The following DLGAP4 variants were observed in gnomAD, a reference collection of about 807,000 sequenced individuals.
The protein encoded by DLGAP4 is DLG associated protein 4.
A neutral mutation model predicts 86.9 loss-of-function variants in DLGAP4; 18 were observed. The ratio of observed to expected loss-of-function variants is 0.21; its 90% CI spans 0.14 to 0.31. DLGAP4 has a LOEUF of 0.31. Among genes scored for constraint, DLGAP4 ranks in the 10% least tolerant of loss-of-function variants. DLGAP4 has a pLI of 1.00. For missense variants in DLGAP4, 1,085 were observed against 1,362.6 expected (o/e 0.80, Z 3.21); for synonymous variants, 548 against 574.3 (o/e 0.95, Z 0.65).
chr20:36,433,464 C>T (rs2033182246), intron 3 of DLGAP4, among the ~76,000 whole-genome samples: 1 of 152,180 alleles, frequency 6.6e-6, no homozygotes, highest in Non-Finnish European at 1.5e-5. Context: ...TTCCAAGTGG[C>T]TCTCAAGGGT....
intron 7 of DLGAP4, among the ~76,000 whole-genome samples, chr20:36,466,928 C>CTCTCTCTCTCTCTCTCTG: frequency 6.9e-6 from 1 of 145,554 alleles, no homozygotes; most frequent in South Asian, 2.1e-4. Flanking sequence ...CGCTCTTGCT[C>CTCTCTCTCTCTCTCTCTG]TCTCTCTCTC....
rs1163846994 is a variant in DLGAP4 at position 36,439,782 on chromosome 20, A to ATGC, written c.1277_1279dup (p.Leu426dup). 8.1e-6 allele frequency: 13 copies of ATGC among 1,613,456 alleles called. No homozygotes were observed. In the East Asian group the frequency reaches 2.9e-4, roughly 36 times the overall value. ...TCTGGACCGCCTGGATTCAGTGGACATGCTGCTGCCCTCCAAGTGTCCGAG... is the reference window on the plus strand; with the variant it reads ...TCTGGACCGCCTGGATTCAGTGGACATGCTGCTGCTGCCCTCCAAGTGTCCGAG... On this transcript the variant is annotated inframe_insertion, in exon 5 of 13. Transcript: ENST00000339266.
At chr20:36,461,232 C>A (rs2034025847) in intron 7 of DLGAP4, 1 of 148,152 alleles carries the variant, frequency 6.7e-6, no homozygotes, top group African/African-American at 2.5e-5. Flanking sequence ...CGGGCATGCG[C>A]GTGCCGACGT....
At position 36,432,153 on chromosome 20, in the gene DLGAP4, G is replaced by C; in HGVS notation, c.436G>C (p.Val146Leu). Reference protein sequence around the residue: ...PGRIRHLVHSVQRLFFTKAPS... With the variant: ...PGRIRHLVHSLQRLFFTKAPS... ...CCGCATCCGCCACCTGGTCCACTCAGTCCAGCGGCTTTTCTTCACCAAGGC... is the reference window on the plus strand; with the variant it reads ...CCGCATCCGCCACCTGGTCCACTCACTCCAGCGGCTTTTCTTCACCAAGGC... Residue 146 changes from valine to leucine, a missense_variant, in exon 3 of 13, where the codon GTC becomes CTC. Transcript: ENST00000339266. This position sits in a 1 kb window ranked among gnomAD's most constrained non-coding sequence, Gnocchi z 6.5. 6.2e-7 allele frequency: 1 copy of C among 1,614,202 alleles called. No homozygotes were observed. Among genetic ancestry groups the C allele is most frequent in the South Asian group, 1.1e-5 (1 of 91,088 alleles).
intron 3 of DLGAP4, among the ~76,000 whole-genome samples, chr20:36,434,550 C>A (rs1284847965): frequency 1.3e-5 from 2 of 152,124 alleles, no homozygotes; most frequent in Non-Finnish European, 2.9e-5. Context: ...GTCTGTGCTG[C>A]CTGCTTGGGT....
intron 10 of DLGAP4, among the ~76,000 whole-genome samples, chr20:36,511,974 C>G (rs895855300): frequency 1.3e-5 from 2 of 151,518 alleles, no homozygotes; most frequent in Admixed American, 6.6e-5. Context: ...CCAAGAGAAT[C>G]CAACATGGTT....
intron 10 of DLGAP4, among the ~76,000 whole-genome samples, chr20:36,507,098 G>A (rs561730587): frequency 3.3e-5 from 5 of 152,208 alleles, no homozygotes; most frequent in South Asian, 2.1e-4. Context: ...CCTTTTGGCC[G>A]TTGTGAATAA....
rs548924334 is a variant in DLGAP4 at position 36,517,620 on chromosome 20, T to A, written c.2513-6630T>A. Among the ~76,000 whole-genome samples the A allele has an allele frequency of 1.8e-4, 28 of 152,072 alleles. 2 individuals carry two copies. The South Asian group carries it at 5.6e-3, about 30-fold the overall frequency. ...GTTGTTGTTACTGATTTTTTTTTTT[T>A]AATTTGTTGGTGGTTGGGAGAAGTC... is the stretch of plus-strand genomic sequence containing the variant. On this transcript the variant is annotated intron_variant, in intron 10 of 12. Transcript: ENST00000339266.
intron 2 of DLGAP4, among the ~76,000 whole-genome samples, chr20:36,367,679 G>A (rs1295321572): frequency 1.3e-5 from 2 of 152,208 alleles, no homozygotes; most frequent in African/African-American, 2.4e-5. Flanking sequence ...GGCCCCCAGG[G>A]CGGCTTGAGG....
At chr20:36,523,158 C>T (rs1390398749) in intron 10 of DLGAP4, among the ~76,000 whole-genome samples, 2 of 152,168 alleles carry the variant, frequency 1.3e-5, no homozygotes, top group African/African-American at 4.8e-5. Flanking sequence ...GGTCTAAGCT[C>T]ACCACAGCCT....
At chr20:36,425,158 A>T (rs1021730251) in intron 2 of DLGAP4, among the ~76,000 whole-genome samples, 6 of 152,192 alleles carry the variant, frequency 3.9e-5, no homozygotes, top group African/African-American at 1.4e-4. Flanking sequence ...ATGGGAGAAA[A>T]TATTTACAAA....
intron 2 of DLGAP4, among the ~76,000 whole-genome samples, chr20:36,387,162 C>T (rs998879366): frequency 2.0e-5 from 3 of 152,212 alleles, no homozygotes; most frequent in African/African-American, 7.2e-5. Flanking sequence ...TCTGAGTTCT[C>T]ATTTCCTCAG....
chr20:36,373,905 C>T (rs1405015686), intron 2 of DLGAP4, among the ~76,000 whole-genome samples: 3 of 151,912 alleles, frequency 2.0e-5, no homozygotes, highest in Admixed American at 6.6e-5. Context: ...AGTGTGGTGG[C>T]CAGCGCCTGT....
chr20:36,335,044 T>C (rs756598712), intron 1 of DLGAP4, among the ~76,000 whole-genome samples: 3 of 152,096 alleles, frequency 2.0e-5, no homozygotes, highest in Non-Finnish European at 4.4e-5. Context: ...AAAAGGCCTT[T>C]TAATTAAAGC....
intron 1 of DLGAP4, among the ~76,000 whole-genome samples, chr20:36,340,240 C>G (rs2065364841): frequency 6.6e-6 from 1 of 152,130 alleles, no homozygotes; most frequent in African/African-American, 2.4e-5. Context: ...CCCAACAGCC[C>G]CTGCACACCC....
chr20:36,383,054 T>C (rs1600462377), intron 2 of DLGAP4, among the ~76,000 whole-genome samples: 1 of 152,212 alleles, frequency 6.6e-6, no homozygotes, highest in East Asian at 1.9e-4. Flanking sequence ...ACCACAACTC[T>C]GAGGAGGTGG....
Position 36,527,156 on chromosome 20 carries a change from A to G in DLGAP4, c.*125A>G. 6 of 1,059,884 alleles carry G rather than the reference A, an allele frequency of 5.7e-6. No individual in the cohort carries two copies. Among genetic ancestry groups the G allele is most frequent in the Non-Finnish European group, 7.9e-6 (6 of 761,320 alleles). 65.7% of individuals were successfully genotyped at this position (1,059,884 alleles called of 1,614,324 possible). A position where few individuals can be genotyped will look rare whatever the true frequency, so the allele number is the denominator to read the frequency against. On this transcript the variant is annotated 3_prime_UTR_variant, in exon 13 of 13. Transcript: ENST00000339266. ...TCTAGAGACCCTGAGCCAACTTTCA[A>G]ATTGACGCATACAAGGGCTCACAAT...
chr20:36,372,825 G>C (rs186133037), intron 2 of DLGAP4, among the ~76,000 whole-genome samples: 39 of 152,302 alleles, frequency 2.6e-4, no homozygotes, highest in African/African-American at 9.4e-4. Context: ...TATAGAAACA[G>C]TGCTGTAAAT....
Position 36,446,870 on chromosome 20 carries a change from T to C in DLGAP4, c.1581T>C (p.Ser527=). 1 of 1,613,324 alleles carries C rather than the reference T, an allele frequency of 6.2e-7. No homozygotes were observed. Among genetic ancestry groups the C allele is most frequent in the Non-Finnish European group, 8.5e-7 (1 of 1,179,944 alleles). The change falls in exon 7 of 13, where the codon AGT becomes AGC. Residue 527 remains serine, a synonymous_variant. Transcript: ENST00000339266. ...IQAGCSQEED[S]VSLQSLSPPP... is the part of the protein sequence containing the mutation. ...CAGGCTGCTCGCAGGAGGAGGACAG[T>C]GTCTCCCTGCAGTCCCTCTCCCCAC...
Sources: gnomAD v4.1 joint callset for allele counts (sites outside exome capture counted in the v4.1 genomes callset) on GRCh38, gnomAD v4.1.1 for gene constraint, Gnocchi (gnomAD v3.1) non-coding constraint, MANE v1.5 for transcripts, NCBI Gene and HGNC (gene_info 2026-07-23, HGNC 2026-07-21) for gene names.